The following HDAC8 variants were observed in gnomAD, a reference collection of about 807,000 sequenced individuals.
The protein encoded by HDAC8 is histone deacetylase 8.
Under a neutral mutation model 32.2 loss-of-function variants are expected in HDAC8, and 1 was observed. The observed-to-expected ratio is 0.03, with a 90% confidence interval of 0.01 to 0.15. The LOEUF is 0.15. Among genes scored for constraint, HDAC8 ranks in the 10% least tolerant of loss-of-function variants. The pLI, the probability that HDAC8 is intolerant of heterozygous loss-of-function variation, is 1.00. For synonymous variants in HDAC8, 108 were observed against 113.9 expected (o/e 0.95, Z 0.33); for missense variants, 117 against 300.0 (o/e 0.39, Z 4.51).
At chrX:72,337,859 C>T (rs139471577) in intron 10 of HDAC8, among the ~76,000 whole-genome samples, 1 of 112,166 alleles carries the variant, frequency 8.9e-6, no homozygotes, top group Non-Finnish European at 1.9e-5. Context: ...CTTTGTGTGG[C>T]TTGAGCACAG....
chrX:72,349,001 A>G (rs150118890), intron 10 of HDAC8, among the ~76,000 whole-genome samples: 29 of 112,539 alleles, frequency 2.6e-4, no homozygotes, highest in African/African-American at 8.4e-4. Flanking sequence ...CTATTTGTAT[A>G]TCTCCAGTGA....
rs1555982238 is a variant in HDAC8 at position 72,442,172 on chromosome X, G to A, written c.1005+19832C>T. 2.7e-5 allele frequency among the ~76,000 whole-genome samples: 3 copies of A among 110,560 alleles called. No homozygotes were observed. The Admixed American group carries it at 2.9e-4, about 11-fold the overall frequency. Reference sequence around the variant, plus strand: ...AAGGCAGGCCAACATTCAGATTCAGGAAATACAGAGAACACCACAAAGATG... The same window carrying A: ...AAGGCAGGCCAACATTCAGATTCAGAAAATACAGAGAACACCACAAAGATG... On this transcript the variant is annotated intron_variant, in intron 9 of 10. Transcript: ENST00000373573.
rs782041847 is a variant in HDAC8 at position 72,355,278 on chromosome X, G to A, written c.1006-3440C>T. On this transcript the variant is annotated intron_variant, in intron 9 of 10. Coordinates refer to ENST00000373573, the MANE Select transcript of HDAC8 (RefSeq NM_018486.3). ...AATAGCTTGAGGCCCCTCCAGCCCC[G>A]AAGAGGAAAGGAAATGGGCAAGCAG... Among the ~76,000 whole-genome samples the A allele has an allele frequency of 5.3e-5, 6 of 112,151 alleles. No individual in the cohort carries two copies. The South Asian group carries it at 1.1e-3, about 21-fold the overall frequency.
chrX:72,345,233 T>A (rs184403219), intron 10 of HDAC8, among the ~76,000 whole-genome samples: 8 of 111,154 alleles, frequency 7.2e-5, no homozygotes, highest in African/African-American at 2.6e-4. Context: ...TTAAACTGCT[T>A]CTGAAGCTCA....
chrX:72,545,661 T>C (rs2050838920), intron 4 of HDAC8, among the ~76,000 whole-genome samples: 1 of 111,931 alleles, frequency 8.9e-6, no homozygotes, highest in African/African-American at 3.3e-5. Context: ...CCTATGCTGG[T>C]GGCTGGCCAG....
At chrX:72,498,088 A>C (rs782578608) in intron 4 of HDAC8, among the ~76,000 whole-genome samples, 1 of 109,172 alleles carries the variant, frequency 9.2e-6, no homozygotes, top group African/African-American at 3.3e-5. Flanking sequence ...GAGTTGATTT[A>C]CAATATTTCC....
intron 9 of HDAC8, among the ~76,000 whole-genome samples, chrX:72,383,711 A>C (rs1329341348): frequency 9.1e-6 from 1 of 109,625 alleles, no homozygotes; most frequent in African/African-American, 3.3e-5. Flanking sequence ...TCTACTAAAA[A>C]CACAAAAAAT....
chrX:72,502,670 C>A (rs1246868779), intron 4 of HDAC8, among the ~76,000 whole-genome samples: 1 of 111,059 alleles, frequency 9.0e-6, no homozygotes, highest in Non-Finnish European at 1.9e-5. Flanking sequence ...TGCCTGTAAT[C>A]CGAGCATTTT....
intron 9 of HDAC8, among the ~76,000 whole-genome samples, chrX:72,372,389 TAG>T (rs34424879): frequency 0.083 from 9,237 of 111,028 alleles, 456 homozygotes; most frequent in African/African-American, 0.18. Context: ...TCTTTCAGGA[TAG>T]AGAGTATGTC....
chrX:72,347,930 C>T (rs1182884299), intron 10 of HDAC8, among the ~76,000 whole-genome samples: 3 of 111,853 alleles, frequency 2.7e-5, no homozygotes, highest in Non-Finnish European at 3.8e-5. Context: ...TGAATGGACT[C>T]TCCATGGTTT....
chrX:72,387,151 C>A (rs1242769341), intron 9 of HDAC8, among the ~76,000 whole-genome samples: 1 of 112,443 alleles, frequency 8.9e-6, no homozygotes, highest in Non-Finnish European at 1.9e-5. Context: ...TCAATTTAAG[C>A]CTGCGTGTGA....
At chrX:72,555,156 G>A (rs943371056) in intron 4 of HDAC8, among the ~76,000 whole-genome samples, 1 of 111,833 alleles carries the variant, frequency 8.9e-6, no homozygotes, top group African/African-American at 3.3e-5. Flanking sequence ...AAAAACAATC[G>A]CTACAGTTTA....
chrX:72,444,887 C>A (rs1247167872), intron 9 of HDAC8, among the ~76,000 whole-genome samples: 2 of 107,847 alleles, frequency 1.9e-5, no homozygotes, highest in African/African-American at 6.7e-5. Context: ...TCTTATACAC[C>A]AATAACAGAC....
intron 4 of HDAC8, among the ~76,000 whole-genome samples, chrX:72,538,429 C>T (rs782693188): frequency 1.8e-5 from 2 of 110,791 alleles, no homozygotes; most frequent in Non-Finnish European, 3.8e-5. Context: ...GGTGATCCAC[C>T]CACCTCGGCC....
At chrX:72,566,202 T>C (rs1250310507) in intron 4 of HDAC8, among the ~76,000 whole-genome samples, 1 of 110,591 alleles carries the variant, frequency 9.0e-6, no homozygotes, top group Non-Finnish European at 1.9e-5. Context: ...CACATACCTG[T>C]AATGCCAGCA....
chrX:72,529,614 T>G (rs1337264339), intron 4 of HDAC8, among the ~76,000 whole-genome samples: 1 of 112,574 alleles, frequency 8.9e-6, no homozygotes, highest in Non-Finnish European at 1.9e-5. Context: ...AAGTTCCTGT[T>G]GTTTTAAGCT....
chrX:72,383,260 A>G (rs1284427881), intron 9 of HDAC8, among the ~76,000 whole-genome samples: 1 of 112,426 alleles, frequency 8.9e-6, no homozygotes, highest in Non-Finnish European at 1.9e-5. Flanking sequence ...GAATAATCAA[A>G]GATTAAAATG....
At chrX:72,563,977 C>G (rs1299485161) in intron 4 of HDAC8, among the ~76,000 whole-genome samples, 2 of 111,021 alleles carry the variant, frequency 1.8e-5, no homozygotes, top group Non-Finnish European at 3.8e-5. Context: ...CTGACCAACA[C>G]GGTGAAACCC....
At chrX:72,500,580 CCTT>C (rs1556015571) in intron 4 of HDAC8, among the ~76,000 whole-genome samples, 2 of 111,624 alleles carry the variant, frequency 1.8e-5, no homozygotes, top group Non-Finnish European at 3.8e-5. Flanking sequence ...ATTCAACACC[CCTT>C]CATGTTAAAA....
Sources: allele counts gnomAD v4.1 joint callset (sites outside exome capture counted in the v4.1 genomes callset), GRCh38; gene constraint gnomAD v4.1.1; transcripts MANE v1.5; gene names NCBI Gene and HGNC (gene_info 2026-07-23, HGNC 2026-07-21).